The following RCL1 variants were observed in gnomAD, a reference collection of about 807,000 sequenced individuals.
RCL1 encodes RNA terminal phosphate cyclase like 1.
In RCL1, 24 loss-of-function variants were observed where a neutral mutation model predicts 42.4. That is an observed-to-expected ratio of 0.57 (90% CI 0.41 to 0.80). RCL1 has a LOEUF of 0.80. Among genes scored for constraint, RCL1 ranks in the 30% least tolerant of loss-of-function variants. The pLI is 0.00. For missense variants in RCL1, 578 were observed against 467.9 expected (o/e 1.24, Z -2.17); for synonymous variants, 228 against 177.3 (o/e 1.29, Z -2.27).
At chr9:4,818,871 CAAAAAA>C (rs34209971) in intron 1 of RCL1, among the ~76,000 whole-genome samples, 1 of 115,160 alleles carries the variant, frequency 8.7e-6, no homozygotes, top group African/African-American at 3.3e-5. Context: ...GACTCTGTCT[CAAAAAA>C]AAAAAAAAAA....
At chr9:4,795,170 T>C (rs910038525) in intron 1 of RCL1, among the ~76,000 whole-genome samples, 3 of 151,988 alleles carry the variant, frequency 2.0e-5, no homozygotes, top group Admixed American at 6.6e-5. Context: ...CTCCGCCTCC[T>C]GGGTTCCTGC....
rs868256810 is a variant in RCL1, at chr9:4,846,049, G to T, written c.867+1368G>T. ...CCACTGGTTCAGTTTATTAATCAGGGTGGTAGGGTAAAGCCTGACTAGCCA... is the reference window on the plus strand; with the variant it reads ...CCACTGGTTCAGTTTATTAATCAGGTTGGTAGGGTAAAGCCTGACTAGCCA... On this transcript the variant is annotated intron_variant, in intron 7 of 8. Transcript: ENST00000381750. 2.0e-5 allele frequency among the ~76,000 whole-genome samples: 3 copies of T among 152,272 alleles called. No homozygotes were observed. In the South Asian group the frequency reaches 6.2e-4, roughly 32 times the overall value.
chr9:4,811,103 C>G (rs1368699067), intron 1 of RCL1, among the ~76,000 whole-genome samples: 1 of 152,014 alleles, frequency 6.6e-6, no homozygotes, highest in South Asian at 2.1e-4. Context: ...ACATAGCAGA[C>G]CCCATCTCCA....
At chr9:4,834,396 A>G (rs942806793) in intron 5 of RCL1, 131 bp downstream of exon 5, 2 of 964,474 alleles carry the variant, frequency 2.1e-6, no homozygotes, top group Non-Finnish European at 2.9e-6. Context: ...AAGTCTTAAC[A>G]GTGAAATTGT....
At chr9:4,829,200 AG>A (rs1410200137) in intron 3 of RCL1, among the ~76,000 whole-genome samples, 3 of 152,176 alleles carry the variant, frequency 2.0e-5, no homozygotes, top group African/African-American at 4.8e-5. Flanking sequence ...TTTCTTGAGG[AG>A]GGAAAATCAG....
At chr9:4,793,579 C>T (rs549934696) in intron 1 of RCL1, among the ~76,000 whole-genome samples, 1 of 152,204 alleles carries the variant, frequency 6.6e-6, no homozygotes, top group African/African-American at 2.4e-5. Flanking sequence ...AGGAGAAAAA[C>T]AGTTTGTTGG....
chr9:4,855,277 T>C (rs1283474865), intron 8 of RCL1, among the ~76,000 whole-genome samples: 1 of 152,050 alleles, frequency 6.6e-6, no homozygotes, highest in African/African-American at 2.4e-5. Context: ...CCCTACTGCC[T>C]AGAATGGTTC....
chr9:4,839,449 C>A (rs371280461), intron 5 of RCL1: 1 of 153,058 alleles, frequency 6.5e-6, no homozygotes, highest in South Asian at 2.1e-4. Flanking sequence ...TGTGAAAGAA[C>A]TTTGGGAGCC....
chr9:4,833,415 A>G (rs1040113899), intron 4 of RCL1, among the ~76,000 whole-genome samples, 187 bp downstream of exon 4: 2 of 152,208 alleles, frequency 1.3e-5, no homozygotes, highest in African/African-American at 2.4e-5. Context: ...AGTAATAACA[A>G]TAGTAGCTGA....
intron 1 of RCL1, among the ~76,000 whole-genome samples, chr9:4,810,248 A>T (rs190966421): frequency 2.4e-4 from 37 of 152,270 alleles, no homozygotes; most frequent in Non-Finnish European, 4.6e-4. Context: ...GTACAGTTTG[A>T]TGAGTTATTA....
At chr9:4,832,898 G>A (rs1816992680) in intron 3 of RCL1, among the ~76,000 whole-genome samples, 3 of 150,906 alleles carry the variant, frequency 2.0e-5, no homozygotes, top group Non-Finnish European at 1.5e-5. Context: ...TGCCTCTGAT[G>A]CACACGATGA....
intron 5 of RCL1, 108 bp downstream of exon 5, chr9:4,834,373 C>G: frequency 1.6e-6 from 2 of 1,286,198 alleles, no homozygotes; most frequent in South Asian, 1.5e-5. Flanking sequence ...ACATTTTAGA[C>G]TACAACTTTG....
Position 4,834,129 on chromosome 9 carries a change from C to T in RCL1, c.460-12C>T. ...CTGCATCCTCGCCTCATCTTTCTCACTCTCTGTGTAGATTGTGCGACGGGG... is the reference window on the plus strand; with the variant it reads ...CTGCATCCTCGCCTCATCTTTCTCATTCTCTGTGTAGATTGTGCGACGGGG... On this transcript the variant is annotated splice_polypyrimidine_tract_variant and intron_variant, in intron 4 of 8. Transcript: ENST00000381750. 6.2e-7 allele frequency: 1 copy of T among 1,611,178 alleles called. No homozygotes were observed. Among genetic ancestry groups the T allele is most frequent in the Non-Finnish European group, 8.5e-7 (1 of 1,178,466 alleles).
At chr9:4,841,390 C>T in intron 6 of RCL1, 33 bp downstream of exon 6, 2 of 1,569,984 alleles carry the variant, frequency 1.3e-6, no homozygotes, top group African/African-American at 1.3e-5. Flanking sequence ...TCTGTTTCTG[C>T]AGCTTTTTCA....
At chr9:4,841,630 C>T (rs989683970) in intron 6 of RCL1, among the ~76,000 whole-genome samples, 4 of 152,176 alleles carry the variant, frequency 2.6e-5, no homozygotes, top group African/African-American at 9.7e-5. Context: ...ATGCTTTAGG[C>T]TTTAAATTCC....
chr9:4,841,209 A>G (rs1463713993), intron 5 of RCL1, 23 bp from the exon 6 acceptor site: 6 of 1,613,838 alleles, frequency 3.7e-6, no homozygotes, highest in Non-Finnish European at 4.2e-6. Flanking sequence ...AAGCAGAATG[A>G]CATCCTTAAC....
At position 4,860,275 on chromosome 9, in the gene RCL1, A is replaced by ATGGT; in HGVS notation, c.*1_*2insGGTT. ...CCAACCTTAGCAAGACCCTCAAGTGATAACCATCACAAGATAAGGCCCCAA... is the reference window on the plus strand; with the variant it reads ...CCAACCTTAGCAAGACCCTCAAGTGATGGTTAACCATCACAAGATAAGGCCCCAA... On this transcript the variant is annotated 3_prime_UTR_variant, in exon 9 of 9. Coordinates refer to ENST00000381750, the MANE Select transcript of RCL1 (RefSeq NM_005772.5). 6.2e-7 allele frequency: 1 copy of ATGGT among 1,612,378 alleles called. No homozygotes were observed. The highest frequency in any genetic ancestry group is 1.7e-5 in the Admixed American group (1 of 59,588).
At chr9:4,827,334 A>G (rs1563842616) in intron 3 of RCL1, 2 of 1,141,430 alleles carry the variant, frequency 1.8e-6, no homozygotes, top group Non-Finnish European at 2.4e-6. Context: ...TGCTGGCTGT[A>G]TATGTGAGAG....
intron 8 of RCL1, chr9:4,850,185 T>C: frequency 2.4e-6 from 1 of 421,586 alleles, no homozygotes; most frequent in South Asian, 1.9e-5. Context: ...ATTTGAGTAC[T>C]GACATTGTGT....
Sources: gnomAD v4.1 joint callset for allele counts (sites outside exome capture counted in the v4.1 genomes callset) on GRCh38, gnomAD v4.1.1 for gene constraint, MANE v1.5 for transcripts, NCBI Gene and HGNC (gene_info 2026-07-23, HGNC 2026-07-21) for gene names.